The following ACRV1 variants were observed in gnomAD, a reference collection of about 807,000 sequenced individuals.
ACRV1 encodes the protein acrosomal protein SP-10.
A neutral mutation model predicts 29.2 loss-of-function variants in ACRV1; 17 were observed. That is an observed-to-expected ratio of 0.58 (90% CI 0.40 to 0.87). The LOEUF is 0.87. ACRV1 is among the 40% of genes least tolerant of loss of function. ACRV1 has a pLI of 0.00. For synonymous variants in ACRV1, 98 were observed against 111.6 expected (o/e 0.88, Z 0.77); for missense variants, 294 against 316.0 (o/e 0.93, Z 0.53).
intron 1 of ACRV1, among the ~76,000 whole-genome samples, chr11:125,679,189 T>TCTC (rs1383467808): frequency 8.8e-5 from 13 of 147,834 alleles, no homozygotes; most frequent in Admixed American, 2.7e-4. Flanking sequence ...TTCTGGCCAG[T>TCTC]CTCTTCTACC....
Position 125,672,566 on chromosome 11 carries a change from A to G in ACRV1, c.*27T>C. The G allele has an allele frequency of 1.2e-6, 2 of 1,612,122 alleles. No individual in the cohort carries two copies. The highest frequency in any genetic ancestry group is 1.7e-6 in the Non-Finnish European group (2 of 1,179,510). On this transcript the variant is annotated 3_prime_UTR_variant, in exon 4 of 4. Transcript: ENST00000533904. ...AGTGATGGAGGCTTTTTACTGCCTGAGTCAAAACAAGCAAGGGCCCAGGCT... is the reference window on the plus strand; with the variant it reads ...AGTGATGGAGGCTTTTTACTGCCTGGGTCAAAACAAGCAAGGGCCCAGGCT...
intron 2 of ACRV1, 83 bp downstream of exon 2, chr11:125,677,714 C>G: frequency 1.3e-6 from 2 of 1,557,006 alleles, no homozygotes; most frequent in Non-Finnish European, 8.7e-7. Flanking sequence ...TTCTGCACTC[C>G]TTCCCTAAAA....
intron 3 of ACRV1, among the ~76,000 whole-genome samples, chr11:125,674,091 C>G (rs1284802474): frequency 1.3e-5 from 2 of 152,002 alleles, no homozygotes; most frequent in African/African-American, 4.8e-5. Flanking sequence ...TTGCAGTGAG[C>G]TGAGATCGCG....
chr11:125,678,916 G>A (rs1942648524), intron 1 of ACRV1, among the ~76,000 whole-genome samples: 2 of 142,870 alleles, frequency 1.4e-5, no homozygotes, highest in Non-Finnish European at 1.5e-5. Context: ...CATGTGGGTT[G>A]GGGATTCAGA....
rs763888873 is a variant in ACRV1, at chr11:125,678,032, A to G, written c.318T>C (p.Gly106=). 2 of 1,613,948 alleles carry G rather than the reference A, an allele frequency of 1.2e-6. No homozygotes were observed. Among genetic ancestry groups the G allele is most frequent in the African/African-American group, 2.7e-5 (2 of 74,886 alleles). ...AAGGCTGCTCACCTACAGTATGCTC[A>G]CCTTCAGCATGTTCAGTCGCAGCGG... ...GEPAATEHAE[G]EHTVGEQPSG... The change falls in exon 2 of 4, where the codon GGT becomes GGC. Residue 106 remains glycine (G), a synonymous_variant. Coordinates refer to ENST00000533904, the MANE Select transcript of ACRV1 (RefSeq NM_001612.6).
intron 1 of ACRV1, among the ~76,000 whole-genome samples, chr11:125,680,435 T>C (rs921659495): frequency 1.3e-5 from 2 of 152,188 alleles, no homozygotes; most frequent in South Asian, 4.1e-4. Flanking sequence ...ATTGGGCTTC[T>C]ACAGAACCCC....
In ACRV1 at chr11:125,672,728, C is replaced by T; in HGVS notation, c.674-11G>A. 1.1e-5 allele frequency: 17 copies of T among 1,613,804 alleles called. No individual in the cohort carries two copies. The highest frequency in any genetic ancestry group is 1.4e-5 in the Non-Finnish European group (17 of 1,179,926). ...ATTGGAGTTTTCCACCTGAAAGGAG[C>T]AGAGACAGACTAGTGAGCAGAAAGC... On this transcript the variant is annotated splice_polypyrimidine_tract_variant and intron_variant, in intron 3 of 3. Coordinates refer to ENST00000533904, the MANE Select transcript of ACRV1 (RefSeq NM_001612.6).
chr11:125,675,633 A>G (rs1474127640), intron 3 of ACRV1, among the ~76,000 whole-genome samples: 1 of 152,242 alleles, frequency 6.6e-6, no homozygotes, highest in Non-Finnish European at 1.5e-5. Context: ...CTGGTCTGGT[A>G]ACCTGTGAAC....
At chr11:125,680,652 T>C (rs1212994336) in intron 1 of ACRV1, 77 bp downstream of exon 1, 1 of 1,335,854 alleles carries the variant, frequency 7.5e-7, no homozygotes, top group African/African-American at 1.5e-5. Flanking sequence ...GAGAGACTGG[T>C]CTTCCTTCTT....
In ACRV1 at chr11:125,678,878, A is replaced by G. The variant is rs186554532; in HGVS notation, c.53-581T>C. 3.7e-3 allele frequency among the ~76,000 whole-genome samples: 555 copies of G among 150,906 alleles called. 2 individuals carry two copies. The highest frequency in any genetic ancestry group is 0.013 in the African/African-American group (528 of 41,090). On this transcript the variant is annotated intron_variant, in intron 1 of 3. Transcript: ENST00000533904. Reference sequence around the variant, plus strand: ...AAGCCGCCTGTATTTGGTAATGTCAAGTATTTTCTCACACTCAATCCCCAA... The same window carrying G: ...AAGCCGCCTGTATTTGGTAATGTCAGGTATTTTCTCACACTCAATCCCCAA...
chr11:125,678,275 C>G lies in ACRV1; in HGVS notation c.75G>C (p.Glu25Asp), dbSNP rs370300247. ...TTTGATGATCTATGGAGCCAGAAAGCTCATTAGGCTGACTTGATGTTCCTG... is the reference window on the plus strand; with the variant it reads ...TTTGATGATCTATGGAGCCAGAAAGGTCATTAGGCTGACTTGATGTTCCTG... The part of the protein sequence containing the change: ...SARGTSSQPN[E>D]LSGSIDHQTS... The change falls in exon 2 of 4, where the codon GAG becomes GAC. Residue 25 changes from glutamate (E) to aspartate (D), a missense_variant. By Grantham distance (45) the Glu-to-Asp change is conservative. Transcript: ENST00000533904. 2 of 1,613,930 alleles carry G rather than the reference C, an allele frequency of 1.2e-6. No individual in the cohort carries two copies. The highest frequency in any genetic ancestry group is 1.7e-6 in the Non-Finnish European group (2 of 1,179,948).
In ACRV1 at chr11:125,678,303, A is replaced by T; in HGVS notation, c.53-6T>A. 6.2e-7 allele frequency: 1 copy of T among 1,612,626 alleles called. No individual in the cohort carries two copies. Among genetic ancestry groups the T allele is most frequent in the Non-Finnish European group, 8.5e-7 (1 of 1,179,306 alleles). On this transcript the variant is annotated splice_polypyrimidine_tract_variant and splice_region_variant and intron_variant, in intron 1 of 3. Coordinates refer to ENST00000533904, the MANE Select transcript of ACRV1 (RefSeq NM_001612.6). ...ATTAGGCTGACTTGATGTTCCTGGG[A>T]TGGAGAAGGAACAGAAGAGAGTTGG...
Position 125,673,282 on chromosome 11 carries a change from G to A in ACRV1, c.674-565C>T, listed in dbSNP as rs559207915. Among the ~76,000 whole-genome samples the A allele has an allele frequency of 3.5e-4, 52 of 150,102 alleles. 3 individuals are homozygous for A. The highest frequency in any genetic ancestry group is 1.1e-3 in the African/African-American group (46 of 40,784). On this transcript the variant is annotated intron_variant, in intron 3 of 3. Transcript: ENST00000533904. ...TGCAGTGGTGCAACCTCAGCTCACCGCAGCCTCCACCTCCCAGGTTCAAGC... is the reference window on the plus strand; with the variant it reads ...TGCAGTGGTGCAACCTCAGCTCACCACAGCCTCCACCTCCCAGGTTCAAGC...
chr11:125,679,282 A>G (rs1242437980), intron 1 of ACRV1, among the ~76,000 whole-genome samples: 2 of 145,722 alleles, frequency 1.4e-5, no homozygotes, highest in African/African-American at 5.1e-5. Context: ...CAGTGGCACA[A>G]TCTTGGCTCA....
chr11:125,678,107 G>A lies in ACRV1; in HGVS notation c.243C>T (p.Ala81=), dbSNP rs141232180. 141 of 1,614,136 alleles carry A rather than the reference G, an allele frequency of 8.7e-5. 1 individual carries two copies. Among genetic ancestry groups the A allele is most frequent in the Middle Eastern group, 1.6e-4 (1 of 6,062 alleles). The change falls in exon 2 of 4, where the codon GCC becomes GCT. Residue 81 remains alanine (A), a synonymous_variant. Coordinates refer to ENST00000533904, the MANE Select transcript of ACRV1 (RefSeq NM_001612.6). ...CAGCATGTTCTCCAGAAGTGTGCTC[G>A]GCCACAGTGTGCTTGCTTGAACCAT... is the stretch of plus-strand genomic sequence containing the variant. ...SEHGSSKHTV[A]EHTSGEHAES...
Position 125,672,199 on chromosome 11 carries a change from C to T in ACRV1, c.*394G>A, listed in dbSNP as rs189307614. 277 of 163,196 alleles carry T rather than the reference C, an allele frequency of 1.7e-3. 1 individual carries two copies. Among genetic ancestry groups the T allele is most frequent in the Middle Eastern group, 3.1e-3 (1 of 326 alleles). 10.1% of individuals were successfully genotyped at this position (163,196 alleles called of 1,614,324 possible). A position where few individuals can be genotyped will look rare whatever the true frequency, so the allele number is the denominator to read the frequency against. ...TGCATTCCTCTTTGTTGTCTCTGCC[C>T]TTGGAGACTCCTTTACTTTCATAAA... is the stretch of plus-strand genomic sequence containing the variant. On this transcript the variant is annotated 3_prime_UTR_variant, in exon 4 of 4. Transcript: ENST00000533904.
chr11:125,672,942 C>G (rs1319214279), intron 3 of ACRV1, among the ~76,000 whole-genome samples: 1 of 152,076 alleles, frequency 6.6e-6, no homozygotes, highest in African/African-American at 2.4e-5. Context: ...TTTTGGTTTA[C>G]AAGGATGCTC....
At chr11:125,676,570 G>C (rs1488723872) in intron 2 of ACRV1, 92 bp from the exon 3 acceptor site, 9 of 1,459,250 alleles carry the variant, frequency 6.2e-6, no homozygotes, top group African/African-American at 1.4e-5. Context: ...GCAATAGGTA[G>C]CATGGATACT....
chr11:125,674,465 G>GT (rs1255196311), intron 3 of ACRV1, among the ~76,000 whole-genome samples: 1 of 152,216 alleles, frequency 6.6e-6, no homozygotes, highest in Non-Finnish European at 1.5e-5. Context: ...ACATGAAACT[G>GT]TTCAGGAAGT....
Sources: gnomAD v4.1 joint callset for allele counts (sites outside exome capture counted in the v4.1 genomes callset) on GRCh38, gnomAD v4.1.1 for gene constraint, MANE v1.5 for transcripts, NCBI Gene and HGNC (gene_info 2026-07-23, HGNC 2026-07-21) for gene names.